TAF4B: variants seen among roughly 807,000 people sequenced by gnomAD.
The protein encoded by TAF4B is transcription initiation factor TFIID subunit 4B.
Under a neutral mutation model 86.4 loss-of-function variants are expected in TAF4B, and 38 were observed. The ratio of observed to expected loss-of-function variants is 0.44; its 90% CI spans 0.34 to 0.58. The LOEUF (loss-of-function observed/expected upper bound fraction) is 0.58, where lower values mean the gene tolerates loss of function less well. Among genes scored for constraint, TAF4B ranks in the 20% least tolerant of loss-of-function variants. The pLI, the probability that TAF4B is intolerant of heterozygous loss-of-function variation, is 0.02. For synonymous variants in TAF4B, 388 were observed against 391.2 expected (o/e 0.99, Z 0.10); for missense variants, 988 against 1,027.6 (o/e 0.96, Z 0.53).
rs1461633836 is a variant in TAF4B at position 26,285,054 on chromosome 18, A to G, written c.973-828A>G. ...GCGATCACAGCTCACTGCAACCTCA[A>G]CCTCCTGGGTCCAAGTGATCCTCCA... is the stretch of plus-strand genomic sequence containing the variant. On this transcript the variant is annotated intron_variant, in intron 6 of 14. Transcript: ENST00000269142. 3.3e-5 allele frequency among the ~76,000 whole-genome samples: 5 copies of G among 149,296 alleles called. No homozygotes were observed. The South Asian group carries it at 8.7e-4, about 26-fold the overall frequency.
At position 26,390,066 on chromosome 18, in the gene TAF4B, AGC is replaced by A; in HGVS notation, c.*55_*56del. The A allele has an allele frequency of 6.4e-7, 1 of 1,559,646 alleles. No individual in the cohort carries two copies. The highest frequency in any genetic ancestry group is 2.3e-5 in the East Asian group (1 of 44,360). On this transcript the variant is annotated 3_prime_UTR_variant, in exon 15 of 15. Coordinates refer to ENST00000269142, the MANE Select transcript of TAF4B (RefSeq NM_005640.3). ...CTATTTACTGCCAAAGAAGACACAA[AGC>A]ATTGTTGCACTGTCCTGAAATTTCA...
chr18:26,357,918 A>G, intron 14 of TAF4B, 124 bp downstream of exon 14: 1 of 577,752 alleles, frequency 1.7e-6, no homozygotes, highest in South Asian at 4.4e-5. Flanking sequence ...CTTAAAATTC[A>G]TCTTTGCCAA....
intron 1 of TAF4B, among the ~76,000 whole-genome samples, chr18:26,259,956 A>G (rs1469207468): frequency 6.6e-6 from 1 of 152,066 alleles, no homozygotes; most frequent in Non-Finnish European, 1.5e-5. Context: ...TTGTTTCCTG[A>G]CTTTTTAATG....
At chr18:26,302,039 A>G (rs907629037) in intron 9 of TAF4B, among the ~76,000 whole-genome samples, 8 of 152,206 alleles carry the variant, frequency 5.3e-5, no homozygotes, top group Admixed American at 1.3e-4. Context: ...GATGCCTTCA[A>G]ATAAACTTAA....
chr18:26,278,717 G>GC (rs1191178430), intron 5 of TAF4B, among the ~76,000 whole-genome samples: 1 of 148,664 alleles, frequency 6.7e-6, no homozygotes, highest in East Asian at 2.0e-4. Flanking sequence ...ACCCATTGTT[G>GC]CCTTTGCACC....
Position 26,315,146 on chromosome 18 carries a change from G to GTCTCTCTCTC in TAF4B, c.1833-76_1833-67dup, listed in dbSNP as rs1212422063. 160 of 151,920 alleles carry GTCTCTCTCTC rather than the reference G, an allele frequency of 1.1e-3. 4 individuals are homozygous for GTCTCTCTCTC. The highest frequency in any genetic ancestry group is 1.3e-3 in the Non-Finnish European group (125 of 94,870). 9.4% of individuals were successfully genotyped at this position (151,920 alleles called of 1,614,324 possible). A position where few individuals can be genotyped will look rare whatever the true frequency, so the allele number is the denominator to read the frequency against. On this transcript the variant is annotated intron_variant, in intron 9 of 14. Transcript: ENST00000269142. ...TCTCTCTCTCTCTCTCTCTCTCTCT[G>GTCTCTCTCTC]TCTCTCTCTCTCTCTCACACACACA...
rs997065944 is a variant in TAF4B, at chr18:26,226,731, G to A, written c.-203G>A. The A allele has an allele frequency of 6.9e-6, 3 of 432,858 alleles. No individual in the cohort carries two copies. Among genetic ancestry groups the A allele is most frequent in the African/African-American group, 6.2e-5 (3 of 48,492 alleles). The allele number at this position is 432,858 out of a possible 1,614,324, so 26.8% of individuals were successfully genotyped here. On this transcript the variant is annotated 5_prime_UTR_variant, in exon 1 of 15. Coordinates refer to ENST00000269142, the MANE Select transcript of TAF4B (RefSeq NM_005640.3). ...CGCTCCGGGGGCAGCCCAGGCTCGC[G>A]CGGACGAGAGGAAGGTCCGGGACGC...
chr18:26,305,220 A>G (rs2056781951), intron 9 of TAF4B, among the ~76,000 whole-genome samples: 1 of 152,184 alleles, frequency 6.6e-6, no homozygotes, highest in Non-Finnish European at 1.5e-5. Flanking sequence ...TATATCTTCA[A>G]TAATTCTTGA....
rs765617155 is a variant in TAF4B at position 26,285,905 on chromosome 18, A to G, written c.996A>G (p.Gln332=). Residue 332 remains glutamine (Q), a synonymous_variant, in exon 7 of 15, where the codon CAA becomes CAG. Coordinates refer to ENST00000269142, the MANE Select transcript of TAF4B (RefSeq NM_005640.3). Reference sequence around the variant, plus strand: ...AGAAAAGCGTGGTTGCCTTACGACAACTTCTGCCTAACTCCCAGAGCTTCA... The same window carrying G: ...AGAAAAGCGTGGTTGCCTTACGACAGCTTCTGCCTAACTCCCAGAGCTTCA... ...FLKKSVVALR[Q]LLPNSQSFIQ... 6.2e-7 allele frequency: 1 copy of G among 1,608,508 alleles called. No individual in the cohort carries two copies. The highest frequency in any genetic ancestry group is 8.5e-7 in the Non-Finnish European group (1 of 1,176,328).
intron 14 of TAF4B, among the ~76,000 whole-genome samples, chr18:26,362,702 C>T (rs995272959): frequency 6.6e-6 from 1 of 152,128 alleles, no homozygotes; most frequent in Non-Finnish European, 1.5e-5. Flanking sequence ...ATTGAATTGT[C>T]TGTCACTTGG....
chr18:26,226,961 G>C lies in TAF4B; in HGVS notation c.28G>C (p.Gly10Arg), dbSNP rs2144403701. 3 of 1,381,862 alleles carry C rather than the reference G, an allele frequency of 2.2e-6. No individual in the cohort carries two copies. The highest frequency in any genetic ancestry group is 6.1e-5 in the East Asian group (2 of 32,874). The allele number at this position is 1,381,862 out of a possible 1,614,324, so 85.6% of individuals were successfully genotyped here. MPAGLTEPA[G>R]AAPPAAVSAS... ...GCCCGCCGGCCTCACCGAACCCGCC[G>C]GCGCCGCTCCCCCGGCTGCTGTGAG... The change falls in exon 1 of 15, where the codon GGC becomes CGC. Residue 10 changes from glycine to arginine, a missense_variant. By Grantham distance (125) the Gly-to-Arg change is moderately radical. This residue lies in a region of TAF4B where 747 missense variants were observed against 737.9 expected (regional missense o/e 1.01). Transcript: ENST00000269142.
At chr18:26,261,518 A>G (rs982900661) in intron 1 of TAF4B, among the ~76,000 whole-genome samples, 1 of 152,168 alleles carries the variant, frequency 6.6e-6, no homozygotes, top group African/African-American at 2.4e-5. Context: ...CATCTTTAGC[A>G]GGACTCTGTC....
intron 1 of TAF4B, among the ~76,000 whole-genome samples, chr18:26,230,437 A>C (rs1185291247): frequency 6.6e-6 from 1 of 152,172 alleles, no homozygotes; most frequent in Non-Finnish European, 1.5e-5. Flanking sequence ...CATGATCATC[A>C]CTTCCACAGT....
chr18:26,306,386 A>G (rs957955009), intron 9 of TAF4B, among the ~76,000 whole-genome samples: 3 of 152,126 alleles, frequency 2.0e-5, no homozygotes, highest in Admixed American at 6.5e-5. Flanking sequence ...TTCCACAGTG[A>G]TATCTGCTGT....
intron 14 of TAF4B, among the ~76,000 whole-genome samples, chr18:26,389,563 T>A (rs1978583128): frequency 6.6e-6 from 1 of 152,198 alleles, no homozygotes; most frequent in Non-Finnish European, 1.5e-5. Flanking sequence ...TGCAATGCAC[T>A]GGAAAGAATG....
At chr18:26,239,377 A>G (rs2144454567) in intron 1 of TAF4B, among the ~76,000 whole-genome samples, 1 of 152,234 alleles carries the variant, frequency 6.6e-6, no homozygotes, top group Non-Finnish European at 1.5e-5. Flanking sequence ...TTTTGGCTGC[A>G]TAAATGTCTT....
intron 14 of TAF4B, among the ~76,000 whole-genome samples, chr18:26,378,324 A>G (rs2057456598): frequency 6.6e-6 from 1 of 152,230 alleles, no homozygotes; most frequent in Non-Finnish European, 1.5e-5. Context: ...TTGAGTTACC[A>G]TACTCTAGGA....
At chr18:26,389,001 G>A (rs1435143721) in intron 14 of TAF4B, among the ~76,000 whole-genome samples, 1 of 151,808 alleles carries the variant, frequency 6.6e-6, no homozygotes, top group African/African-American at 2.4e-5. Context: ...TAGTAGAGAC[G>A]GGGTTTCACC....
intron 5 of TAF4B, among the ~76,000 whole-genome samples, chr18:26,277,555 A>G (rs1317809083): frequency 1.3e-5 from 2 of 152,170 alleles, no homozygotes; most frequent in African/African-American, 4.8e-5. Context: ...GGATTCTCAT[A>G]TCTTCTGCAT....
Sources: gnomAD v4.1 joint callset for allele counts (sites outside exome capture counted in the v4.1 genomes callset) on GRCh38, gnomAD v4.1.1 for gene constraint, gnomAD v4.1.1 regional missense constraint, MANE v1.5 for transcripts, NCBI Gene and HGNC (gene_info 2026-07-23, HGNC 2026-07-21) for gene names.